SUPV3L1: variants seen among roughly 807,000 people sequenced by gnomAD.
SUPV3L1 encodes ATP-dependent RNA helicase SUPV3L1, mitochondrial.
SUPV3L1 carries 35 observed loss-of-function variants against 70.0 expected under a neutral mutation model. That is an observed-to-expected ratio of 0.50 (90% confidence interval 0.38 to 0.66). SUPV3L1 has a LOEUF of 0.66. SUPV3L1 is among the 30% of genes least tolerant of loss of function. The pLI, the probability that SUPV3L1 is intolerant of heterozygous loss-of-function variation, is 0.00. For synonymous variants in SUPV3L1, 364 were observed against 341.9 expected (o/e 1.06, Z -0.71); for missense variants, 777 against 961.5 (o/e 0.81, Z 2.54).
chr10:69,188,489 T>C (rs564220387), intron 4 of SUPV3L1, among the ~76,000 whole-genome samples: 4 of 115,100 alleles, frequency 3.5e-5, no homozygotes, highest in East Asian at 4.5e-4. Flanking sequence ...TTGCCCCACT[T>C]TGTACTTGAT....
intron 5 of SUPV3L1, among the ~76,000 whole-genome samples, 170 bp from the exon 6 acceptor site, chr10:69,191,485 C>G (rs1842396202): frequency 6.6e-6 from 1 of 152,086 alleles, no homozygotes; most frequent in African/African-American, 2.4e-5. Context: ...CCTCAGCCTC[C>G]CAAAGTGCTG....
chr10:69,185,780 G>A (rs991551893), intron 1 of SUPV3L1, among the ~76,000 whole-genome samples: 13 of 152,160 alleles, frequency 8.5e-5, no homozygotes, highest in Admixed American at 2.0e-4. Flanking sequence ...GATTACAGGC[G>A]TGAGCCACCG....
In SUPV3L1 at chr10:69,208,589, C is replaced by CT. The variant is rs1842897648; in HGVS notation, c.1926-6dup. The CT allele has an allele frequency of 6.2e-7, 1 of 1,607,102 alleles. No individual in the cohort carries two copies. The highest frequency in any genetic ancestry group is 1.7e-5 in the Admixed American group (1 of 59,650). ...AGCTGTTGCTATAATGCTAATGTGT[C>CT]TTTTTCCCAGCTACCGATTTATGGA... is the stretch of plus-strand genomic sequence containing the variant. On this transcript the variant is annotated splice_polypyrimidine_tract_variant and intron_variant, in intron 14 of 14. Coordinates refer to ENST00000359655, the MANE Select transcript of SUPV3L1 (RefSeq NM_003171.5).
At chr10:69,183,603 T>G (rs1166372509) in intron 1 of SUPV3L1, among the ~76,000 whole-genome samples, 1 of 152,020 alleles carries the variant, frequency 6.6e-6, no homozygotes, top group Non-Finnish European at 1.5e-5. Context: ...TGCTTGAGCT[T>G]GGGTAGTAGT....
intron 9 of SUPV3L1, among the ~76,000 whole-genome samples, 170 bp from the exon 10 acceptor site, chr10:69,198,934 A>T (rs1249659660): frequency 1.3e-5 from 2 of 152,160 alleles, no homozygotes; most frequent in Admixed American, 6.6e-5. Flanking sequence ...GAAGGAATGG[A>T]TGTAAAGGAT....
chr10:69,188,193 C>T (rs1041294175), intron 4 of SUPV3L1, among the ~76,000 whole-genome samples: 1 of 152,164 alleles, frequency 6.6e-6, no homozygotes, highest in African/African-American at 2.4e-5. Context: ...ATGGTTAGCC[C>T]AGCCCTTGGC....
At chr10:69,181,605 A>G (rs554829416) in intron 1 of SUPV3L1, among the ~76,000 whole-genome samples, 72 of 152,198 alleles carry the variant, frequency 4.7e-4, no homozygotes, top group Non-Finnish European at 9.4e-4. Context: ...TTTATAAACA[A>G]TAGAGGTGTA....
rs936067118 is a variant in SUPV3L1 at position 69,185,546 on chromosome 10, G to C, written c.272-441G>C. ...AGACGGAGACTCGCTCTGTCTCCTA[G>C]GCTGGAGTGCAGTGGGCCCATCTCG... On this transcript the variant is annotated intron_variant, in intron 1 of 14. Transcript: ENST00000359655. Among the ~76,000 whole-genome samples, 7 of 146,648 alleles carry C rather than the reference G, an allele frequency of 4.8e-5. No homozygotes were observed. In the East Asian group the frequency reaches 1.4e-3, roughly 29 times the overall value.
intron 14 of SUPV3L1, among the ~76,000 whole-genome samples, chr10:69,208,366 T>A (rs138852919): frequency 1.3e-5 from 2 of 152,352 alleles, no homozygotes; most frequent in East Asian, 3.9e-4. Context: ...GAGGGGCATG[T>A]CCCTCTCCAG....
Position 69,180,307 on chromosome 10 carries a change from G to A in SUPV3L1, c.16G>A (p.Ala6Thr), listed in dbSNP as rs757576646. ...TGCGGCCTCGATGTCCTTCTCCCGT[G>A]CCCTATTGTGGGCTCGGCTCCCGGC... MSFSR[A>T]LLWARLPAGR... The change falls in exon 1 of 15, where the codon GCC becomes ACC. Residue 6 changes from alanine to threonine, a missense_variant. Transcript: ENST00000359655. The A allele has an allele frequency of 1.9e-6, 3 of 1,613,786 alleles. No individual in the cohort carries two copies. Among genetic ancestry groups the A allele is most frequent in the Admixed American group, 1.7e-5 (1 of 60,004 alleles).
Position 69,186,508 on chromosome 10 carries a change from G to A in SUPV3L1, c.415G>A (p.Val139Met), listed in dbSNP as rs1842237567. The A allele has an allele frequency of 6.2e-7, 1 of 1,614,082 alleles. No homozygotes were observed. Among genetic ancestry groups the A allele is most frequent in the Non-Finnish European group, 8.5e-7 (1 of 1,180,002 alleles). The stretch of plus-strand genomic sequence containing the variant: ...TATTATGCAGTCTCATTCCCTGGAT[G>A]TGGACATTCACATTGTTTTGAATGA... ...NYIMQSHSLDVDIHIVLNDIC... is the reference protein window; with the variant it reads ...NYIMQSHSLDMDIHIVLNDIC... The change falls in exon 3 of 15, where the codon GTG (valine) becomes ATG (methionine). Residue 139 changes from valine to methionine, a missense_variant. By Grantham distance (21) the Val-to-Met change is conservative. This residue lies in a region of SUPV3L1 where 619 missense variants were observed against 823.3 expected (regional missense o/e 0.75). Transcript: ENST00000359655.
At chr10:69,199,034 C>T in intron 9 of SUPV3L1, 70 bp from the exon 10 acceptor site, 4 of 1,213,516 alleles carry the variant, frequency 3.3e-6, no homozygotes, top group South Asian at 2.7e-5. Flanking sequence ...TGAGGGTTTC[C>T]AAGATGTACT....
intron 9 of SUPV3L1, 56 bp from the exon 10 acceptor site, chr10:69,199,048 C>T: frequency 4.4e-6 from 6 of 1,363,082 alleles, no homozygotes; most frequent in South Asian, 3.7e-5. Context: ...ATGTACTTAG[C>T]TTGATGTAAT....
At chr10:69,198,092 C>G (rs538602261) in intron 8 of SUPV3L1, among the ~76,000 whole-genome samples, 1 of 152,280 alleles carries the variant, frequency 6.6e-6, no homozygotes, top group Non-Finnish European at 1.5e-5. Context: ...AATAACCTTT[C>G]TGAACTTAAC....
intron 13 of SUPV3L1, among the ~76,000 whole-genome samples, chr10:69,203,267 CT>C (rs1842731823): frequency 6.6e-6 from 1 of 152,156 alleles, no homozygotes; most frequent in Non-Finnish European, 1.5e-5. Context: ...TGCCAGGGTT[CT>C]AGCCTCTTTT....
chr10:69,199,000 A>G, intron 9 of SUPV3L1, 104 bp from the exon 10 acceptor site: 1 of 824,280 alleles, frequency 1.2e-6, no homozygotes, highest in South Asian at 1.8e-5. Flanking sequence ...AGGTTTTATC[A>G]TTAAAAATGG....
intron 9 of SUPV3L1, 53 bp from the exon 10 acceptor site, chr10:69,199,051 G>T (rs1423451757): frequency 2.2e-6 from 3 of 1,382,776 alleles, no homozygotes; most frequent in Non-Finnish European, 3.0e-6. Context: ...TACTTAGCTT[G>T]ATGTAATAAA....
intron 5 of SUPV3L1, among the ~76,000 whole-genome samples, chr10:69,191,036 A>G (rs1038163044): frequency 6.6e-6 from 1 of 152,240 alleles, no homozygotes; most frequent in Admixed American, 6.5e-5. Context: ...CTTCTTGAAT[A>G]TAGAAACAAC....
chr10:69,191,882 C>T, intron 6 of SUPV3L1, 116 bp downstream of exon 6: 1 of 654,740 alleles, frequency 1.5e-6, no homozygotes, highest in Non-Finnish European at 2.5e-6. Flanking sequence ...TCTCGGCTCA[C>T]TGCGACCTCT....
Sources: gnomAD v4.1 joint callset for allele counts (sites outside exome capture counted in the v4.1 genomes callset) on GRCh38, gnomAD v4.1.1 for gene constraint, gnomAD v4.1.1 regional missense constraint, MANE v1.5 for transcripts, NCBI Gene and HGNC (gene_info 2026-07-23, HGNC 2026-07-21) for gene names.